Variants in ATP10B observed in about 807,000 individuals in gnomAD.
The protein encoded by ATP10B is phospholipid-transporting ATPase VB.
Under a neutral mutation model 141.2 loss-of-function variants are expected in ATP10B, and 122 were observed. The observed-to-expected ratio is 0.86, with a 90% CI of 0.75 to 1.00. The LOEUF is 1.00. Among genes scored for constraint, ATP10B ranks in the 50% least tolerant of loss-of-function variants. The pLI, the probability that ATP10B is intolerant of heterozygous loss-of-function variation, is 0.00. For missense variants in ATP10B, 1,876 were observed against 1,825.3 expected (o/e 1.03, Z -0.51); for synonymous variants, 685 against 692.0 (o/e 0.99, Z 0.16).
intron 1 of ATP10B, among the ~76,000 whole-genome samples, chr5:160,842,384 C>T (rs1371816742): frequency 6.6e-6 from 1 of 151,444 alleles, no homozygotes; most frequent in African/African-American, 2.4e-5. Flanking sequence ...AGAAGAAAGG[C>T]TAAAAACCAA....
chr5:160,818,393 G>A (rs1356283945), intron 1 of ATP10B, among the ~76,000 whole-genome samples: 4 of 152,160 alleles, frequency 2.6e-5, no homozygotes, highest in African/African-American at 9.7e-5. Flanking sequence ...AAAGACACAT[G>A]AAAAAATGCT....
chr5:160,925,675 A>G, the ATP10B span, among the ~76,000 whole-genome samples: 1 of 152,384 alleles, frequency 6.6e-6, no homozygotes, highest in African/African-American at 2.4e-5. Flanking sequence ...AAAGAATTTA[A>G]AACAGTTTGG....
chr5:160,714,087 T>C (rs1221931298), intron 3 of ATP10B, among the ~76,000 whole-genome samples: 1 of 50,786 alleles, frequency 2.0e-5, no homozygotes, highest in East Asian at 1.1e-3. Flanking sequence ...CTGACAATTA[T>C]GTGTCTTGGA....
chr5:160,740,163 C>T (rs571024729), intron 2 of ATP10B, among the ~76,000 whole-genome samples: 91 of 152,260 alleles, frequency 6.0e-4, no homozygotes, highest in African/African-American at 2.1e-3. Flanking sequence ...AGCATTGCCC[C>T]CAGAGGCAAT....
chr5:160,799,458 C>T (rs1046706376), intron 1 of ATP10B, among the ~76,000 whole-genome samples: 7 of 152,344 alleles, frequency 4.6e-5, no homozygotes, highest in African/African-American at 1.7e-4. Context: ...CTCCTTCTAG[C>T]CCTCTTCAGT....
intron 1 of ATP10B, among the ~76,000 whole-genome samples, chr5:160,813,992 T>A (rs1317739122): frequency 6.6e-6 from 1 of 152,038 alleles, no homozygotes; most frequent in African/African-American, 2.4e-5. Context: ...TACGTCACCA[T>A]CATCAAAGAC....
the ATP10B span, among the ~76,000 whole-genome samples, chr5:160,915,865 T>C: frequency 1.3e-5 from 2 of 152,158 alleles, no homozygotes; most frequent in Non-Finnish European, 2.9e-5. Flanking sequence ...GCATATATAC[T>C]CAGAGTACAT....
At chr5:160,896,615 G>A in the ATP10B span, among the ~76,000 whole-genome samples, 1 of 152,116 alleles carries the variant, frequency 6.6e-6, no homozygotes, top group African/African-American at 2.4e-5. Flanking sequence ...TACCAGAGGT[G>A]CAAACAGGAG....
At chr5:160,921,791 G>T in the ATP10B span, among the ~76,000 whole-genome samples, 3 of 152,336 alleles carry the variant, frequency 2.0e-5, no homozygotes, top group Non-Finnish European at 2.9e-5. Context: ...TTGGCCCTCT[G>T]CTGTGTGCCC....
chr5:160,879,668 CT>C, the ATP10B span, among the ~76,000 whole-genome samples: 13 of 152,022 alleles, frequency 8.6e-5, no homozygotes, highest in Admixed American at 8.5e-4. Flanking sequence ...GAAATCCTGT[CT>C]TTACCAAAAA....
At chr5:160,861,469 T>C in the ATP10B span, among the ~76,000 whole-genome samples, 83 of 152,038 alleles carry the variant, frequency 5.5e-4, no homozygotes, top group African/African-American at 1.9e-3. Flanking sequence ...ATATCAAAAA[T>C]TTAAATAGAT....
At chr5:160,794,887 T>A (rs974492847) in intron 1 of ATP10B, among the ~76,000 whole-genome samples, 1 of 152,210 alleles carries the variant, frequency 6.6e-6, no homozygotes, top group Non-Finnish European at 1.5e-5. Context: ...AATAGCACTC[T>A]TTATTGTTAT....
intron 22 of ATP10B, among the ~76,000 whole-genome samples, chr5:160,592,808 A>T (rs1756409718): frequency 6.6e-6 from 1 of 152,226 alleles, no homozygotes; most frequent in African/African-American, 2.4e-5. Context: ...AGTCTCGCTG[A>T]TTGCTAGCAC....
rs367806415 is a variant in ATP10B at position 160,670,672 on chromosome 5, G to A, written c.471-5C>T. On this transcript the variant is annotated splice_region_variant and splice_polypyrimidine_tract_variant and intron_variant, in intron 6 of 25. Coordinates refer to ENST00000327245, the MANE Select transcript of ATP10B (RefSeq NM_025153.3). ...TGCACATAGGTCTGCTCTTTTCTTG[G>A]GTGAGAGAAAGACAGGGTGTGAGTG... The A allele has an allele frequency of 6.8e-6, 11 of 1,612,294 alleles. No homozygotes were observed. Among genetic ancestry groups the A allele is most frequent in the Middle Eastern group, 1.8e-4 (1 of 5,426 alleles).
rs1251985689 is a variant in ATP10B, at chr5:160,606,881, A to C, written c.3044T>G (p.Phe1015Cys). ...CCGACAATACTGGGTCAATTCCAGA[A>C]ACTTCTTCTCTAGCTTTCCCTGGAA... is the stretch of plus-strand genomic sequence containing the variant. ...AIFQGKLEKK[F>C]LELTQYCRSV... Residue 1015 changes from phenylalanine to cysteine, a missense_variant, in exon 19 of 26, where the codon TTT (phenylalanine) becomes TGT (cysteine). Transcript: ENST00000327245. 6.2e-7 allele frequency: 1 copy of C among 1,614,182 alleles called. No individual in the cohort carries two copies. Among genetic ancestry groups the C allele is most frequent in the Admixed American group, 1.7e-5 (1 of 60,026 alleles).
At chr5:160,775,859 T>C (rs1770271082) in intron 2 of ATP10B, among the ~76,000 whole-genome samples, 1 of 152,064 alleles carries the variant, frequency 6.6e-6, no homozygotes, top group African/African-American at 2.4e-5. Flanking sequence ...TTTTTGTATT[T>C]TTAGTAGAGA....
chr5:160,656,884 T>A (rs1366302712), intron 7 of ATP10B, among the ~76,000 whole-genome samples: 1 of 152,132 alleles, frequency 6.6e-6, no homozygotes, highest in Non-Finnish European at 1.5e-5. Context: ...ATGTATTTAG[T>A]TTTTACCAAG....
At chr5:160,862,919 A>C in the ATP10B span, among the ~76,000 whole-genome samples, 1 of 152,016 alleles carries the variant, frequency 6.6e-6, no homozygotes, top group Non-Finnish European at 1.5e-5. Context: ...TGTATCAAAT[A>C]TTGATTACAT....
chr5:160,598,429 C>A (rs899258671), intron 22 of ATP10B, among the ~76,000 whole-genome samples: 2 of 151,812 alleles, frequency 1.3e-5, no homozygotes, highest in African/African-American at 2.4e-5. Context: ...GGAGATATAC[C>A]TAATGCTAAA....
Sources: gnomAD v4.1 joint callset for allele counts (sites outside exome capture counted in the v4.1 genomes callset) on GRCh38, gnomAD v4.1.1 for gene constraint, MANE v1.5 for transcripts, NCBI Gene and HGNC (gene_info 2026-07-23, HGNC 2026-07-21) for gene names.